TACC2: variants seen among roughly 807,000 people sequenced by gnomAD.
The protein encoded by TACC2 is transforming acidic coiled-coil-containing protein 2.
Under a neutral mutation model 227.3 loss-of-function variants are expected in TACC2, and 137 were observed. The ratio of observed to expected loss-of-function variants is 0.60; its 90% CI spans 0.52 to 0.69. The LOEUF (loss-of-function observed/expected upper bound fraction) is 0.69. Ranked by LOEUF, TACC2 falls within the 30% of genes least tolerant of loss-of-function variation. The pLI is 0.00. For synonymous variants in TACC2, 1,523 were observed against 1,487.5 expected, an observed-to-expected ratio of 1.02 and a Z score of -0.55; for missense variants, 3,470 against 3,694.4, an observed-to-expected ratio of 0.94 and a Z score of 1.57.
chr10:122,243,342 C>T (rs1376130707), intron 19 of TACC2, among the ~76,000 whole-genome samples: 1 of 152,144 alleles, frequency 6.6e-6, no homozygotes, highest in African/African-American at 2.4e-5. Flanking sequence ...TGTGCTGGCA[C>T]CTGGTCCCCA....
At chr10:122,032,699 C>A (rs554949840) in intron 2 of TACC2, among the ~76,000 whole-genome samples, 46 of 152,174 alleles carry the variant, frequency 3.0e-4, no homozygotes, top group Non-Finnish European at 5.6e-4. Flanking sequence ...GTGGCTCACG[C>A]CTGCAATCCC....
chr10:122,153,325 G>A (rs1292001331), intron 7 of TACC2, among the ~76,000 whole-genome samples: 1 of 152,216 alleles, frequency 6.6e-6, no homozygotes, highest in Non-Finnish European at 1.5e-5. Context: ...GTGCATAACA[G>A]TCCTGTCAGG....
At chr10:122,077,350 A>G (rs2078933470) in intron 3 of TACC2, among the ~76,000 whole-genome samples, 1 of 152,118 alleles carries the variant, frequency 6.6e-6, no homozygotes, top group Non-Finnish European at 1.5e-5. Flanking sequence ...GGCCTCCATT[A>G]CACTCCAATA....
intron 5 of TACC2, among the ~76,000 whole-genome samples, chr10:122,106,987 G>T (rs1478007180): frequency 6.6e-6 from 1 of 152,204 alleles, no homozygotes; most frequent in Non-Finnish European, 1.5e-5. Context: ...GAGGCAGGAA[G>T]ACCCCTGATG....
At chr10:122,124,011 A>T (rs2086347011) in intron 5 of TACC2, among the ~76,000 whole-genome samples, 2 of 151,662 alleles carry the variant, frequency 1.3e-5, no homozygotes, top group South Asian at 4.2e-4. Flanking sequence ...ATGGGGTTTC[A>T]CCATGTTGGC....
chr10:122,175,383 T>C (rs1266075046), intron 7 of TACC2, among the ~76,000 whole-genome samples: 1 of 152,216 alleles, frequency 6.6e-6, no homozygotes, highest in African/African-American at 2.4e-5. Context: ...AAGGATACAT[T>C]AGTTATCACT....
chr10:122,211,815 G>GGGT, intron 9 of TACC2, 107 bp downstream of exon 9: 3 of 983,406 alleles, frequency 3.1e-6, no homozygotes, highest in Non-Finnish European at 4.4e-6. Context: ...CCTTGCCCCT[G>GGGT]GGTGCTGTGA....
intron 1 of TACC2, among the ~76,000 whole-genome samples, chr10:122,020,559 A>G (rs1957208989): frequency 6.6e-6 from 1 of 152,208 alleles, no homozygotes; most frequent in African/African-American, 2.4e-5. Context: ...TGAATAAGCA[A>G]GTCAATGGGT....
intron 16 of TACC2, among the ~76,000 whole-genome samples, chr10:122,230,882 C>T (rs1041607862): frequency 6.6e-6 from 1 of 152,106 alleles, no homozygotes; most frequent in East Asian, 1.9e-4. Flanking sequence ...TAACATCTGA[C>T]TTTGTTGAGA....
chr10:122,122,472 AT>A (rs1215628918), intron 5 of TACC2, among the ~76,000 whole-genome samples: 1 of 147,848 alleles, frequency 6.8e-6, no homozygotes, highest in African/African-American at 2.4e-5. Flanking sequence ...GTAACTAAGT[AT>A]TTTTTTAAAA....
chr10:122,085,161 G>T lies in TACC2; in HGVS notation c.2661G>T (p.Leu887Phe). The change falls in exon 4 of 23, where the codon TTG becomes TTT. Residue 887 changes from leucine to phenylalanine, a missense_variant. By Grantham distance (22) the Leu-to-Phe change is conservative (BLOSUM62 0). Coordinates refer to ENST00000369005, the MANE Select transcript of TACC2 (RefSeq NM_206862.4). ...VPVEPQEDNN[L>F]PTHGGQEQAL... ...TGGAACCTCAGGAAGATAACAACTT[G>T]CCCACTCATGGAGGACAGGAGCAGG... The T allele has an allele frequency of 1.9e-6, 3 of 1,614,100 alleles. No individual in the cohort carries two copies. Among genetic ancestry groups the T allele is most frequent in the Non-Finnish European group, 2.5e-6 (3 of 1,180,032 alleles).
At chr10:122,207,680 G>A (rs2095167660) in intron 8 of TACC2, among the ~76,000 whole-genome samples, 1 of 152,244 alleles carries the variant, frequency 6.6e-6, no homozygotes, top group African/African-American at 2.4e-5. Flanking sequence ...GCTAATGAGA[G>A]CATGTCAGTT....
In TACC2 at chr10:122,057,286, G is replaced by GTGC. The variant is rs2076300899; in HGVS notation, c.146+6736_146+6737insTGC. On this transcript the variant is annotated intron_variant, in intron 3 of 22. Transcript: ENST00000369005. ...GGGTGAGGCACTGACTGGTGCACTG[G>GTGC]AGGGGTGGAGGGTGCCGGCTGGAAG... Among the ~76,000 whole-genome samples the GTGC allele has an allele frequency of 1.4e-4, 22 of 152,274 alleles. No homozygotes were observed. The South Asian group carries it at 3.5e-3, about 24-fold the overall frequency.
intron 16 of TACC2, among the ~76,000 whole-genome samples, chr10:122,233,615 A>G (rs1404433593): frequency 6.6e-6 from 1 of 152,168 alleles, no homozygotes; most frequent in Non-Finnish European, 1.5e-5. Context: ...TTGCTGTGTC[A>G]CAGACTACCC....
At chr10:122,240,602 G>A (rs2141697921) in intron 18 of TACC2, among the ~76,000 whole-genome samples, 1 of 152,248 alleles carries the variant, frequency 6.6e-6, no homozygotes, top group African/African-American at 2.4e-5. Context: ...CATGAATGTC[G>A]TGCTCAGGGT....
At chr10:122,119,805 G>C (rs1565353391) in intron 5 of TACC2, among the ~76,000 whole-genome samples, 1 of 152,092 alleles carries the variant, frequency 6.6e-6, no homozygotes, top group African/African-American at 2.4e-5. Context: ...CGTCATCTCA[G>C]CTACTCGGGA....
Position 122,211,604 on chromosome 10 carries a change from A to C in TACC2, c.7179A>C (p.Lys2393Asn). Residue 2393 changes from lysine (K) to asparagine (N), a missense_variant, in exon 9 of 23, where the codon AAA becomes AAC. This residue lies in a region of TACC2 where 593 missense variants were observed against 636.6 expected (regional missense o/e 0.93). Coordinates refer to ENST00000369005, the MANE Select transcript of TACC2 (RefSeq NM_206862.4). The stretch of plus-strand genomic sequence containing the variant: ...CTAAGACCCCCAGCTCACCTTCTAA[A>C]TCCCCAGCCTCCTTTGAGATCCCAG... ...TSSKTPSSPS[K>N]SPASFEIPAS... 1 of 1,613,818 alleles carries C rather than the reference A, an allele frequency of 6.2e-7. No homozygotes were observed. Among genetic ancestry groups the C allele is most frequent in the Non-Finnish European group, 8.5e-7 (1 of 1,179,926 alleles).
rs2080008247 is a variant in TACC2 at position 122,085,570 on chromosome 10, T to C, written c.3070T>C (p.Cys1024Arg). ...AGGAGCTTCTGAAGCAGCTGATGGT[T>C]GTTCCCCACTCTGGGGCTTGAGTAA... ...HPGASEAADG[C>R]SPLWGLSKRE... The change falls in exon 4 of 23, where the codon TGT becomes CGT. Residue 1024 changes from cysteine (C) to arginine (R), a missense_variant. By Grantham distance (180) the Cys-to-Arg change is radical. This residue lies in a region of TACC2 where 1,924 missense variants were observed against 1,978.3 expected (regional missense o/e 0.97). Transcript: ENST00000369005. 2 of 1,613,166 alleles carry C rather than the reference T, an allele frequency of 1.2e-6. No homozygotes were observed. Among genetic ancestry groups the C allele is most frequent in the African/African-American group, 1.3e-5 (1 of 74,928 alleles).
rs2095729698 is a variant in TACC2 at position 122,230,883 on chromosome 10, T to G, written c.8127+443T>G. Among the ~76,000 whole-genome samples, 6 of 152,360 alleles carry G rather than the reference T, an allele frequency of 3.9e-5. No individual in the cohort carries two copies. In the South Asian group the frequency reaches 1.2e-3, roughly 32 times the overall value. On this transcript the variant is annotated intron_variant, in intron 16 of 22. Coordinates refer to ENST00000369005, the MANE Select transcript of TACC2 (RefSeq NM_206862.4). ...TATTTTCTGCAAGTTAACATCTGAC[T>G]TTGTTGAGACAAGGCCCTAATCAAT... is the stretch of plus-strand genomic sequence containing the variant.
Sources: allele counts gnomAD v4.1 joint callset (sites outside exome capture counted in the v4.1 genomes callset), GRCh38; gene constraint gnomAD v4.1.1; regional missense constraint gnomAD v4.1.1; transcripts MANE v1.5; gene names NCBI Gene and HGNC (gene_info 2026-07-23, HGNC 2026-07-21).